HCRTR2: variants seen among roughly 807,000 people sequenced by gnomAD.
The protein encoded by HCRTR2 is orexin receptor type 2.
A neutral mutation model predicts 49.0 loss-of-function variants in HCRTR2; 22 were observed. The observed-to-expected ratio is 0.45, with a 90% CI of 0.32 to 0.64. The LOEUF is 0.64. Among genes scored for constraint, HCRTR2 ranks in the 30% least tolerant of loss-of-function variants. The pLI, the probability that HCRTR2 is intolerant of heterozygous loss-of-function variation, is 0.04. For synonymous variants in HCRTR2, 236 were observed against 205.3 expected, an observed-to-expected ratio of 1.15 and a Z score of -1.28; for missense variants, 491 against 559.4, an observed-to-expected ratio of 0.88 and a Z score of 1.23.
chr6:55,160,888 A>T (rs758058488), intron 1 of HCRTR2, among the ~76,000 whole-genome samples: 1 of 152,138 alleles, frequency 6.6e-6, no homozygotes, highest in Non-Finnish European at 1.5e-5. Context: ...ATAGTGGGAG[A>T]CTTTAACACC....
At chr6:55,179,542 A>G (rs1765096169) in intron 1 of HCRTR2, among the ~76,000 whole-genome samples, 1 of 152,208 alleles carries the variant, frequency 6.6e-6, no homozygotes, top group East Asian at 1.9e-4. Flanking sequence ...GCTATTTCAT[A>G]GATAACAGCA....
intron 1 of HCRTR2, among the ~76,000 whole-genome samples, chr6:55,192,007 T>C (rs1416915557): frequency 1.3e-5 from 2 of 152,144 alleles, no homozygotes; most frequent in African/African-American, 4.8e-5. Flanking sequence ...ATGAGACATT[T>C]TTACTTTAAA....
intron 1 of HCRTR2, among the ~76,000 whole-genome samples, chr6:55,227,687 A>G (rs775717349): frequency 1.5e-4 from 23 of 152,140 alleles, no homozygotes; most frequent in Admixed American, 4.6e-4. Flanking sequence ...TAGTCTCCCC[A>G]TGGTGCATAA....
At position 55,243,070 on chromosome 6, in the gene HCRTR2, C is replaced by T. The variant is rs150932491; in HGVS notation, c.224-5569C>T. 4.4e-4 allele frequency among the ~76,000 whole-genome samples: 67 copies of T among 152,136 alleles called. 1 individual carries two copies. Among genetic ancestry groups the T allele is most frequent in the African/African-American group, 1.5e-3 (64 of 41,458 alleles). Reference sequence around the variant, plus strand: ...AGAATGTGCAGGAGCTATATATCATCAGATTCTTTCAGAGAAAGAACCGGT... The same window carrying T: ...AGAATGTGCAGGAGCTATATATCATTAGATTCTTTCAGAGAAAGAACCGGT... On this transcript the variant is annotated intron_variant, in intron 1 of 6. Transcript: ENST00000370862.
intron 6 of HCRTR2, 48 bp downstream of exon 6, chr6:55,280,492 G>A: frequency 6.2e-7 from 1 of 1,607,566 alleles, no homozygotes; most frequent in Non-Finnish European, 8.5e-7. Flanking sequence ...AACCAAGGAT[G>A]AGGAATCAAT....
chr6:55,239,612 A>G (rs973520049), intron 1 of HCRTR2, among the ~76,000 whole-genome samples: 1 of 152,200 alleles, frequency 6.6e-6, no homozygotes, highest in Non-Finnish European at 1.5e-5. Context: ...CAGAGGCACC[A>G]TTGGTTGACA....
chr6:55,277,470 C>G lies in HCRTR2; in HGVS notation c.853C>G (p.Arg285Gly). 1 of 1,614,054 alleles carries G rather than the reference C, an allele frequency of 6.2e-7. No homozygotes were observed. The highest frequency in any genetic ancestry group is 8.5e-7 in the Non-Finnish European group (1 of 1,179,970). The change falls in exon 5 of 7, where the codon CGG becomes GGG. Residue 285 changes from arginine (R) to glycine (G), a missense_variant. Arg to Gly is a moderately radical substitution (Grantham distance 125). Transcript: ENST00000370862. ...PRGPGQPTKSRMSAVAAEIKQ... is the reference protein window; with the variant it reads ...PRGPGQPTKSGMSAVAAEIKQ... ...AGGGCCAGGACAGCCAACGAAGTCC[C>G]GGATGAGCGCTGTGGCGGCTGAAAT...
chr6:55,133,188 A>T (rs1561982069), intron 1 of HCRTR2, among the ~76,000 whole-genome samples: 1 of 151,538 alleles, frequency 6.6e-6, no homozygotes, highest in Non-Finnish European at 1.5e-5. Context: ...TTTAGAGTAA[A>T]TTTTTTTTAC....
intron 1 of HCRTR2, among the ~76,000 whole-genome samples, chr6:55,228,768 T>A (rs903990765): frequency 6.6e-6 from 1 of 152,200 alleles, no homozygotes; most frequent in African/African-American, 2.4e-5. Context: ...AAATTAAAAA[T>A]TTTAATCTCT....
chr6:55,215,255 CA>C (rs1159778475), intron 1 of HCRTR2, among the ~76,000 whole-genome samples: 53 of 151,998 alleles, frequency 3.5e-4, no homozygotes, highest in African/African-American at 1.2e-3. Flanking sequence ...AGAAAACTTG[CA>C]AAACAGAAAT....
chr6:55,214,364 C>G (rs996368247), intron 1 of HCRTR2, among the ~76,000 whole-genome samples: 1 of 152,146 alleles, frequency 6.6e-6, no homozygotes, highest in African/African-American at 2.4e-5. Flanking sequence ...GGGGATCTCA[C>G]TTTGTCACCC....
intron 4 of HCRTR2, among the ~76,000 whole-genome samples, chr6:55,277,105 A>T (rs1375490229): frequency 1.3e-5 from 2 of 152,206 alleles, no homozygotes; most frequent in Non-Finnish European, 2.9e-5. Context: ...TGTTCTTTTT[A>T]CAAGGAAATA....
At chr6:55,273,830 C>T (rs1447163437) in intron 4 of HCRTR2, among the ~76,000 whole-genome samples, 1 of 151,852 alleles carries the variant, frequency 6.6e-6, no homozygotes, top group Non-Finnish European at 1.5e-5. Flanking sequence ...GTCCCTTGCC[C>T]AGGTACTTTT....
Position 55,277,603 on chromosome 6 carries a change from A to C in HCRTR2, c.983+3A>C. On this transcript the variant is annotated splice_donor_region_variant and intron_variant, in intron 5 of 6. Transcript: ENST00000370862. ...AGCATCCTCAATGTGCTAAAGAGGT[A>C]AAACTTATCTGTTATTTGAAAATGA... 1 of 1,594,162 alleles carries C rather than the reference A, an allele frequency of 6.3e-7. No individual in the cohort carries two copies. Among genetic ancestry groups the C allele is most frequent in the Non-Finnish European group, 8.6e-7 (1 of 1,161,944 alleles).
chr6:55,123,078 G>C (rs1239706158), intron 1 of HCRTR2, among the ~76,000 whole-genome samples: 1 of 151,426 alleles, frequency 6.6e-6, no homozygotes, highest in Non-Finnish European at 1.5e-5. Flanking sequence ...TAACAAACCT[G>C]CATGTTGTGC....
At chr6:55,204,192 A>G (rs1765559790) in intron 1 of HCRTR2, among the ~76,000 whole-genome samples, 1 of 151,918 alleles carries the variant, frequency 6.6e-6, no homozygotes, top group Non-Finnish European at 1.5e-5. Context: ...CACCAGGAGC[A>G]CTCTCAACCT....
intron 1 of HCRTR2, among the ~76,000 whole-genome samples, chr6:55,175,818 A>G (rs1482302995): frequency 6.6e-6 from 1 of 152,098 alleles, no homozygotes; most frequent in Non-Finnish European, 1.5e-5. Context: ...GATAACTTGA[A>G]ATAAATTGTG....
At position 55,253,278 on chromosome 6, in the gene HCRTR2, G is replaced by GT. The variant is rs1180592008; in HGVS notation, c.403-1857dup. ...AAGCTGTAAAGTGAGTGACTCAATA[G>GT]TGTGCAGCTAGCTGATCAGAGAGAG... On this transcript the variant is annotated intron_variant, in intron 2 of 6. Coordinates refer to ENST00000370862, the MANE Select transcript of HCRTR2 (RefSeq NM_001384272.1). 4.6e-5 allele frequency among the ~76,000 whole-genome samples: 7 copies of GT among 152,052 alleles called. No individual in the cohort carries two copies. The East Asian group carries it at 1.4e-3, about 29-fold the overall frequency.
At chr6:55,159,208 A>C (rs1475850244) in intron 1 of HCRTR2, among the ~76,000 whole-genome samples, 1 of 152,140 alleles carries the variant, frequency 6.6e-6, no homozygotes, top group Non-Finnish European at 1.5e-5. Flanking sequence ...GACCTTCAGC[A>C]GACGGGCCTG....
Sources: gnomAD v4.1 joint callset for allele counts (sites outside exome capture counted in the v4.1 genomes callset) on GRCh38, gnomAD v4.1.1 for gene constraint, MANE v1.5 for transcripts, NCBI Gene and HGNC (gene_info 2026-07-23, HGNC 2026-07-21) for gene names.